ISLR2: variants seen among roughly 807,000 people sequenced by gnomAD.
The protein encoded by ISLR2 is immunoglobulin superfamily containing leucine-rich repeat protein 2.
A neutral mutation model predicts 25.5 loss-of-function variants in ISLR2; 16 were observed. The ratio of observed to expected loss-of-function variants is 0.63; its 90% CI spans 0.43 to 0.95. The LOEUF is 0.95. Among genes scored for constraint, ISLR2 ranks in the 40% least tolerant of loss-of-function variants. The probability of loss-of-function intolerance (pLI) is 0.00; values close to 1 mark genes in which losing one functional copy is unlikely to be tolerated. For synonymous variants in ISLR2, 508 were observed against 486.6 expected (o/e 1.04, Z -0.58); for missense variants, 883 against 1,030.7 (o/e 0.86, Z 1.96).
chr15:74,123,677 C>T (rs2072270609), upstream of ISLR2, among the ~76,000 whole-genome samples: 1 of 152,184 alleles, frequency 6.6e-6, no homozygotes, highest in Admixed American at 6.5e-5. Context: ...CTCTTCTCTG[C>T]CATGGGACTG....
At chr15:74,140,564 G>A (rs1276474581), downstream of ISLR2, among the ~76,000 whole-genome samples, 1 of 152,172 alleles carries the variant, frequency 6.6e-6, no homozygotes, top group African/African-American at 2.4e-5. Context: ...GGAAACTGGG[G>A]GATCTCCTTT....
chr15:74,110,114 A>G (rs1039963606), intron 2 of ISLR2, among the ~76,000 whole-genome samples: 1 of 152,238 alleles, frequency 6.6e-6, no homozygotes, highest in Middle Eastern at 3.2e-3. Context: ...TTAAAGCACA[A>G]GAATAGATCT....
At chr15:74,113,207 G>A (rs555132728) in intron 2 of ISLR2, among the ~76,000 whole-genome samples, 4 of 152,320 alleles carry the variant, frequency 2.6e-5, no homozygotes, top group East Asian at 1.9e-4. Context: ...AGTAATGCTC[G>A]CTGTCCACCA....
downstream of ISLR2, among the ~76,000 whole-genome samples, chr15:74,139,897 T>A (rs1043230736): frequency 6.6e-6 from 1 of 151,120 alleles, no homozygotes; most frequent in Admixed American, 6.6e-5. Context: ...TGTGTGTGTG[T>A]GTGTGTGTGT....
rs775614352 is a variant in ISLR2, at chr15:74,133,591, C to T, written c.837C>T (p.Gly279=). ...AATGGCAACTTCAGATCCCCGGTGGCACCGTAGTCTTAGAGCCACCGGTTC... is the reference window on the plus strand; with the variant it reads ...AATGGCAACTTCAGATCCCCGGTGGTACCGTAGTCTTAGAGCCACCGGTTC... The part of the protein sequence containing the change: ...RLQWQLQIPG[G]TVVLEPPVLS... The change falls in exon 3 of 3, where the codon GGC becomes GGT. Residue 279 remains glycine (G), a synonymous_variant. Transcript: ENST00000453268. 2 of 1,614,168 alleles carry T rather than the reference C, an allele frequency of 1.2e-6. No individual in the cohort carries two copies. The highest frequency in any genetic ancestry group is 2.2e-5 in the South Asian group (2 of 91,090).
At position 74,135,138 on chromosome 15, in the gene ISLR2, A is replaced by G. The variant is rs945403060; in HGVS notation, c.*146A>G. 6.0e-6 allele frequency: 6 copies of G among 1,003,532 alleles called. No individual in the cohort carries two copies. The highest frequency in any genetic ancestry group is 8.7e-6 in the Non-Finnish European group (6 of 687,192). The allele number at this position is 1,003,532 out of a possible 1,614,324, so 62.2% of individuals were successfully genotyped here. A position where few individuals can be genotyped will look rare whatever the true frequency, so the allele number is the denominator to read the frequency against. ...TACTCCCCAACCTTGACTACCAGGGACTTCTATTAGGGAGTGGGCCGATTT... is the reference window on the plus strand; with the variant it reads ...TACTCCCCAACCTTGACTACCAGGGGCTTCTATTAGGGAGTGGGCCGATTT... On this transcript the variant is annotated 3_prime_UTR_variant, in exon 3 of 3. Coordinates refer to ENST00000453268, the MANE Select transcript of ISLR2 (RefSeq NM_020851.3).
upstream of ISLR2, chr15:74,128,770 C>G: frequency 2.3e-6 from 1 of 431,654 alleles, no homozygotes. Context: ...TGCTGGGCCC[C>G]TGCCTCCAAA....
chr15:74,141,265 C>T (rs1226533148), downstream of ISLR2, among the ~76,000 whole-genome samples: 4 of 152,096 alleles, frequency 2.6e-5, no homozygotes, highest in Non-Finnish European at 5.9e-5. Flanking sequence ...ACATGTATTC[C>T]CTTGTGTATT....
intron 2 of ISLR2, among the ~76,000 whole-genome samples, chr15:74,114,021 T>G (rs1224002899): frequency 6.6e-6 from 1 of 152,202 alleles, no homozygotes; most frequent in Non-Finnish European, 1.5e-5. Context: ...CCACACACAT[T>G]TTAGCAGCCC....
chr15:74,134,093 G>A lies in ISLR2; in HGVS notation c.1339G>A (p.Asp447Asn), dbSNP rs764861928. 8.1e-6 allele frequency: 13 copies of A among 1,613,602 alleles called. No individual in the cohort carries two copies. The African/African-American group carries it at 1.7e-4, about 22-fold the overall frequency. ...EDTSEGEEAE[D>N]QILADPAEEQ... ...CACAAGTGAGGGAGAGGAGGCCGAA[G>A]ACCAGATCCTCGCGGACCCGGCGGA... The change falls in exon 3 of 3, where the codon GAC (aspartate) becomes AAC (asparagine). Residue 447 changes from aspartate (D) to asparagine (N), a missense_variant. Asp to Asn is a conservative substitution (Grantham distance 23, BLOSUM62 1). Transcript: ENST00000453268.
Position 74,133,598 on chromosome 15 carries a change from G to T in ISLR2, c.844G>T (p.Val282Phe). The change falls in exon 3 of 3, where the codon GTC becomes TTC. Residue 282 changes from valine (V) to phenylalanine (F), a missense_variant. Transcript: ENST00000453268. ...WQLQIPGGTV[V>F]LEPPVLSGED... ...ACTTCAGATCCCCGGTGGCACCGTAGTCTTAGAGCCACCGGTTCTGAGCGG... is the reference window on the plus strand; with the variant it reads ...ACTTCAGATCCCCGGTGGCACCGTATTCTTAGAGCCACCGGTTCTGAGCGG... The T allele has an allele frequency of 6.2e-7, 1 of 1,614,136 alleles. No homozygotes were observed. The highest frequency in any genetic ancestry group is 8.5e-7 in the Non-Finnish European group (1 of 1,180,006).
intron 2 of ISLR2, among the ~76,000 whole-genome samples, chr15:74,118,094 T>C (rs1411633581): frequency 2.0e-5 from 3 of 152,196 alleles, no homozygotes; most frequent in Non-Finnish European, 4.4e-5. Context: ...ACATAGGTTC[T>C]TTTCTATTTT....
exon 1 of ISLR2, chr15:74,100,329 G>C: frequency 3.2e-6 from 4 of 1,254,552 alleles, no homozygotes; most frequent in Non-Finnish European, 3.0e-6. Context: ...GAGTGAGGCC[G>C]GGAGCGGACC....
chr15:74,100,713 A>C (rs1475887981), intron 1 of ISLR2, among the ~76,000 whole-genome samples: 1 of 136,794 alleles, frequency 7.3e-6, no homozygotes, highest in East Asian at 2.1e-4. Flanking sequence ...CATAACCAGC[A>C]CCCAGATAAG....
chr15:74,112,346 A>C (rs1163934403), intron 2 of ISLR2, among the ~76,000 whole-genome samples: 5 of 152,178 alleles, frequency 3.3e-5, no homozygotes, highest in Non-Finnish European at 5.9e-5. Flanking sequence ...ATAACAAATA[A>C]TTATTTAGTA....
At chr15:74,112,965 C>A (rs1290581105) in intron 2 of ISLR2, among the ~76,000 whole-genome samples, 1 of 152,016 alleles carries the variant, frequency 6.6e-6, no homozygotes, top group East Asian at 1.9e-4. Flanking sequence ...GTAGCTGGGA[C>A]CACAGGCACA....
chr15:74,133,368 A>G lies in ISLR2; in HGVS notation c.614A>G (p.Glu205Gly). 1 of 1,607,992 alleles carries G rather than the reference A, an allele frequency of 6.2e-7. No homozygotes were observed. The highest frequency in any genetic ancestry group is 8.5e-7 in the Non-Finnish European group (1 of 1,179,808). The change falls in exon 3 of 3, where the codon GAG becomes GGG. Residue 205 changes from glutamate to glycine, a missense_variant. Physicochemically the swap from Glu to Gly is moderately conservative, Grantham distance 98. Coordinates refer to ENST00000453268, the MANE Select transcript of ISLR2 (RefSeq NM_020851.3). ...GCGAGCACCCGGGTGTCCTTACCCG[A>G]GCCCGACTCCATTGCTTGTGCCTCG... ...WAASTRVSLP[E>G]PDSIACASPP...
intron 2 of ISLR2, among the ~76,000 whole-genome samples, chr15:74,121,564 G>A (rs1418017538): frequency 6.6e-6 from 1 of 152,166 alleles, no homozygotes. Flanking sequence ...AGGCAGGAAG[G>A]AGGGAAATTG....
At chr15:74,107,195 C>A (rs1212315417) in intron 2 of ISLR2, among the ~76,000 whole-genome samples, 1 of 152,168 alleles carries the variant, frequency 6.6e-6, no homozygotes, top group African/African-American at 2.4e-5. Flanking sequence ...TCCAGGAAAG[C>A]CAAGGAGAAG....
Sources: allele counts gnomAD v4.1 joint callset (sites outside exome capture counted in the v4.1 genomes callset), GRCh38; gene constraint gnomAD v4.1.1; transcripts MANE v1.5; gene names NCBI Gene and HGNC (gene_info 2026-07-23, HGNC 2026-07-21).